MAP3K15: variants seen among roughly 807,000 people sequenced by gnomAD.
The protein encoded by MAP3K15 is mitogen-activated protein kinase kinase kinase 15.
In MAP3K15, 124 loss-of-function variants were observed where a neutral mutation model predicts 99.5. The ratio of observed to expected loss-of-function variants is 1.25; its 90% CI spans 1.08 to 1.45. The LOEUF (loss-of-function observed/expected upper bound fraction) is 1.45. Among genes scored for constraint, MAP3K15 ranks in the 40% most tolerant of loss-of-function variants. The pLI is 0.00. For synonymous variants in MAP3K15, 494 were observed against 439.6 expected (o/e 1.12, Z -1.55); for missense variants, 1,242 against 1,079.7 (o/e 1.15, Z -2.11).
intron 1 of MAP3K15, among the ~76,000 whole-genome samples, chrX:19,490,152 C>A (rs2064358216): frequency 1.2e-5 from 1 of 82,659 alleles, no homozygotes; most frequent in Non-Finnish European, 2.6e-5. Flanking sequence ...CACACACACA[C>A]ACACACACAC....
intron 1 of MAP3K15, among the ~76,000 whole-genome samples, chrX:19,509,392 C>A (rs1193274346): frequency 9.0e-6 from 1 of 111,654 alleles, no homozygotes; most frequent in African/African-American, 3.2e-5. Flanking sequence ...ATCATAACAG[C>A]CTCTCAGACC....
intron 1 of MAP3K15, among the ~76,000 whole-genome samples, chrX:19,513,524 G>A (rs951317853): frequency 9.0e-6 from 1 of 111,131 alleles, no homozygotes; most frequent in African/African-American, 3.3e-5. Flanking sequence ...GCTTTCAATG[G>A]GTCCAGCTGC....
At chrX:19,441,466 C>T (rs1167428065) in intron 6 of MAP3K15, among the ~76,000 whole-genome samples, 2 of 111,255 alleles carry the variant, frequency 1.8e-5, no homozygotes, top group Non-Finnish European at 3.8e-5. Flanking sequence ...GACTTGTACA[C>T]TTTAAATGGG....
intron 7 of MAP3K15, among the ~76,000 whole-genome samples, chrX:19,427,255 CA>C (rs1280793631): frequency 9.0e-6 from 1 of 111,261 alleles, no homozygotes; most frequent in Non-Finnish European, 1.9e-5. Flanking sequence ...GCGATCCTCC[CA>C]CCTCAGCCTC....
rs973392935 is a variant in MAP3K15, at chrX:19,425,964, C to CA, written c.1279+266dup. On this transcript the variant is annotated intron_variant, in intron 8 of 28. Transcript: ENST00000338883. ...TGAAACCCCATCTCTACTAAAAATA[C>CA]AAAAAAAATTAGCTGGGCGTGGTGG... Among the ~76,000 whole-genome samples, 69 of 109,807 alleles carry CA rather than the reference C, an allele frequency of 6.3e-4. 1 individual carries two copies. Among genetic ancestry groups the CA allele is most frequent in the South Asian group, 3.9e-4 (1 of 2,568 alleles).
At chrX:19,383,810 G>A (rs1466121988) in intron 18 of MAP3K15, among the ~76,000 whole-genome samples, 2 of 111,659 alleles carry the variant, frequency 1.8e-5, no homozygotes, top group African/African-American at 6.5e-5. Flanking sequence ...AGTTAAAATG[G>A]CTGATATCCA....
intron 9 of MAP3K15, among the ~76,000 whole-genome samples, chrX:19,415,479 C>T (rs187425576): frequency 8.9e-6 from 1 of 112,015 alleles, no homozygotes; most frequent in Non-Finnish European, 1.9e-5. Context: ...TGGCTTTTTA[C>T]CAACATTGTG....
intron 3 of MAP3K15, among the ~76,000 whole-genome samples, chrX:19,470,633 C>G (rs1243286244): frequency 1.8e-5 from 2 of 109,522 alleles, no homozygotes; most frequent in Non-Finnish European, 3.8e-5. Context: ...AACAAATAAA[C>G]AAGTAAACAA....
intron 25 of MAP3K15, among the ~76,000 whole-genome samples, chrX:19,368,845 T>G (rs1402036592): frequency 1.8e-5 from 2 of 109,881 alleles, no homozygotes; most frequent in African/African-American, 3.3e-5. Flanking sequence ...TTCTGAGTTT[T>G]TTTTTTTTTT....
chrX:19,500,869 A>G (rs902303133), intron 1 of MAP3K15, among the ~76,000 whole-genome samples: 7 of 112,203 alleles, frequency 6.2e-5, no homozygotes, highest in Non-Finnish European at 9.4e-5. Context: ...GTAACAGATA[A>G]TAACACAGCC....
In MAP3K15 at chrX:19,488,693, G is replaced by T. The variant is rs182657511; in HGVS notation, c.501+135C>A. 69 of 589,974 alleles carry T rather than the reference G, an allele frequency of 1.2e-4. No individual in the cohort carries two copies. In the Admixed American group the frequency reaches 1.7e-3, roughly 15 times the overall value. The allele number at this position is 589,974 out of a possible 1,213,427, so 48.6% of individuals were successfully genotyped here. On this transcript the variant is annotated intron_variant, in intron 2 of 28. Transcript: ENST00000338883. Reference sequence around the variant, plus strand: ...AAGTCATCTGTGTGAACTAGAATCTGTGGTGGGAAGGAAAGAATTGCACAA... The same window carrying T: ...AAGTCATCTGTGTGAACTAGAATCTTTGGTGGGAAGGAAAGAATTGCACAA...
chrX:19,494,332 A>G (rs2064387044), intron 1 of MAP3K15, among the ~76,000 whole-genome samples: 1 of 111,201 alleles, frequency 9.0e-6, no homozygotes, highest in Non-Finnish European at 1.9e-5. Context: ...GAGAGATACT[A>G]CATCAAGGAT....
At chrX:19,448,931 T>A (rs1372673815) in intron 6 of MAP3K15, among the ~76,000 whole-genome samples, 2 of 109,381 alleles carry the variant, frequency 1.8e-5, no homozygotes, top group Non-Finnish European at 3.9e-5. Flanking sequence ...ACCATTCTAC[T>A]TTTTTTTCCC....
chrX:19,374,566 T>G lies in MAP3K15; in HGVS notation c.2684A>C (p.Lys895Thr), dbSNP rs1257181868. 14 of 1,209,290 alleles carry G rather than the reference T, an allele frequency of 1.2e-5. No homozygotes were observed. In the Admixed American group the frequency reaches 3.1e-4, roughly 26 times the overall value. The change falls in exon 20 of 29, where the codon AAA becomes ACA. Residue 895 changes from lysine (K) to threonine (T), a missense_variant. Coordinates refer to ENST00000338883, the MANE Select transcript of MAP3K15 (RefSeq NM_001001671.4). Reference protein sequence around the residue: ...ILSCFEPDPHKRATTAELLRE... With the variant: ...ILSCFEPDPHTRATTAELLRE... ...CAGTAGCTCAGCAGTGGTGGCACGT[T>G]TGTGGGGGTCAGGCTCGAAACAGGA...
intron 26 of MAP3K15, among the ~76,000 whole-genome samples, chrX:19,361,868 G>A (rs761376219): frequency 4.2e-5 from 4 of 94,404 alleles, no homozygotes; most frequent in African/African-American, 2.0e-4. Flanking sequence ...TCTTTCAAAT[G>A]CCTTTCCTTA....
At position 19,407,296 on chromosome X, in the gene MAP3K15, A is replaced by G. The variant is rs778493509; in HGVS notation, c.1749-13T>C. 1.4e-5 allele frequency: 15 copies of G among 1,065,783 alleles called. No homozygotes were observed. Among genetic ancestry groups the G allele is most frequent in the Non-Finnish European group, 1.9e-5 (15 of 777,314 alleles). 87.8% of individuals were successfully genotyped at this position (1,065,783 alleles called of 1,213,427 possible). On this transcript the variant is annotated splice_polypyrimidine_tract_variant and intron_variant, in intron 12 of 28. Transcript: ENST00000338883. ...AAACTTTGATAGGCTGTAAAATTTC[A>G]AAGCATAATGTTTATACATAAGTTA...
chrX:19,369,868 T>TA (rs2063362027), intron 24 of MAP3K15, among the ~76,000 whole-genome samples: 1 of 108,672 alleles, frequency 9.2e-6, no homozygotes, highest in Non-Finnish European at 1.9e-5. Context: ...CGAGATCGCA[T>TA]CATTGCACTC....
In MAP3K15 at chrX:19,409,949, T is replaced by G; in HGVS notation, c.1723A>C (p.Thr575Pro). 1 of 1,206,928 alleles carries G rather than the reference T, an allele frequency of 8.3e-7. No individual in the cohort carries two copies. ...EMKQMHEWNF[T>P]ASSIKGISLS... ...CTTATTCCCTTTATGGAAGAGGCTG[T>G]AAAATTCCATTCGTGCATCTGTTTC... is the stretch of plus-strand genomic sequence containing the variant. The change falls in exon 12 of 29, where the codon ACA (threonine) becomes CCA (proline). Residue 575 changes from threonine to proline, a missense_variant. Physicochemically the swap from Thr to Pro is conservative, Grantham distance 38. Coordinates refer to ENST00000338883, the MANE Select transcript of MAP3K15 (RefSeq NM_001001671.4).
At chrX:19,389,506 T>C (rs1456947912) in intron 18 of MAP3K15, among the ~76,000 whole-genome samples, 15 of 111,150 alleles carry the variant, frequency 1.3e-4, no homozygotes, top group East Asian at 1.1e-3. Context: ...CCAGCTGAGA[T>C]TTCCTTACAG....
Sources: allele counts gnomAD v4.1 joint callset (sites outside exome capture counted in the v4.1 genomes callset), GRCh38; gene constraint gnomAD v4.1.1; transcripts MANE v1.5; gene names NCBI Gene and HGNC (gene_info 2026-07-23, HGNC 2026-07-21).